LINGO2: variants seen among roughly 807,000 people sequenced by gnomAD.
LINGO2 encodes the protein leucine-rich repeat and immunoglobulin-like domain-containing nogo receptor-interacting protein 2.
Under a neutral mutation model 30.6 loss-of-function variants are expected in LINGO2, and 14 were observed. That is an observed-to-expected ratio of 0.46 (90% CI 0.30 to 0.72). The LOEUF (loss-of-function observed/expected upper bound fraction) is 0.72. Ranked by LOEUF, LINGO2 falls within the 30% of genes least tolerant of loss-of-function variation. LINGO2 has a pLI of 0.07. For synonymous variants in LINGO2, 317 were observed against 288.5 expected (o/e 1.10, Z -1.00); for missense variants, 729 against 751.7 (o/e 0.97, Z 0.35).
chr9:28,807,636 A>G, the LINGO2 span, among the ~76,000 whole-genome samples: 2 of 152,302 alleles, frequency 1.3e-5, 1 homozygote, highest in East Asian at 3.9e-4. Context: ...TTAAATTGTA[A>G]AAACAAATAA....
At chr9:28,131,890 C>T (rs1458423308) in intron 4 of LINGO2, among the ~76,000 whole-genome samples, 2 of 152,194 alleles carry the variant, frequency 1.3e-5, no homozygotes, top group Non-Finnish European at 2.9e-5. Flanking sequence ...AGGGTGAAAC[C>T]TGACTTAAAA....
At chr9:28,613,685 G>T (rs1826013930) in intron 1 of LINGO2, among the ~76,000 whole-genome samples, 1 of 152,046 alleles carries the variant, frequency 6.6e-6, no homozygotes, top group Non-Finnish European at 1.5e-5. Context: ...CACACAAGGG[G>T]GTAAGGCATA....
At chr9:28,510,646 G>A (rs747121593) in intron 1 of LINGO2, among the ~76,000 whole-genome samples, 6 of 150,988 alleles carry the variant, frequency 4.0e-5, no homozygotes, top group African/African-American at 7.3e-5. Context: ...CCTGTGCAGC[G>A]CAAACCCAGG....
chr9:28,582,617 G>A (rs956185462), intron 1 of LINGO2, among the ~76,000 whole-genome samples: 1 of 151,960 alleles, frequency 6.6e-6, no homozygotes, highest in African/African-American at 2.4e-5. Flanking sequence ...CTCTAACATA[G>A]CTAAAGTCCA....
intron 4 of LINGO2, among the ~76,000 whole-genome samples, chr9:28,132,712 G>A (rs1482324828): frequency 6.6e-6 from 1 of 152,196 alleles, no homozygotes; most frequent in Non-Finnish European, 1.5e-5. Context: ...GTTTTCATAT[G>A]TTGATTCAAC....
intron 5 of LINGO2, among the ~76,000 whole-genome samples, chr9:28,009,143 T>A (rs1204524894): frequency 9.8e-5 from 1 of 10,196 alleles, no homozygotes; most frequent in Non-Finnish European, 6.2e-4. Flanking sequence ...AGGGAAAAGT[T>A]TTTTTTTTTT....
rs557483829 is a variant in LINGO2, at chr9:28,555,416, T to C, written c.-364-79391A>G. ...ATCTAGAAGAAATGGATAAATTCCTTGACACATACACTCTCCCAAGACTAA... is the reference window on the plus strand; with the variant it reads ...ATCTAGAAGAAATGGATAAATTCCTCGACACATACACTCTCCCAAGACTAA... On this transcript the variant is annotated intron_variant, in intron 1 of 5. Transcript: ENST00000379992. 9.7e-3 allele frequency among the ~76,000 whole-genome samples: 1,455 copies of C among 150,634 alleles called. 30 individuals carry two copies. The highest frequency in any genetic ancestry group is 0.031 in the African/African-American group (1,277 of 41,044).
the LINGO2 span, among the ~76,000 whole-genome samples, chr9:28,892,952 A>G: frequency 1.3e-5 from 2 of 152,070 alleles, no homozygotes; most frequent in Admixed American, 6.6e-5. Context: ...AATCCTGATT[A>G]TATCTCAAGT....
chr9:28,328,163 CAT>C (rs1422894884), intron 3 of LINGO2, among the ~76,000 whole-genome samples: 2 of 152,130 alleles, frequency 1.3e-5, no homozygotes, highest in African/African-American at 4.8e-5. Flanking sequence ...CCCTATGGCT[CAT>C]AGCACGTGTA....
chr9:28,575,927 TACAC>T (rs3065641), intron 1 of LINGO2, among the ~76,000 whole-genome samples: 2 of 149,518 alleles, frequency 1.3e-5, no homozygotes, highest in Non-Finnish European at 3.0e-5. Context: ...AGCCTTGAAA[TACAC>T]ACACACACAC....
At chr9:28,237,431 A>G (rs892292608) in intron 4 of LINGO2, among the ~76,000 whole-genome samples, 4 of 152,118 alleles carry the variant, frequency 2.6e-5, no homozygotes, top group Non-Finnish European at 5.9e-5. Context: ...GGCAGGAGTA[A>G]GTCACCACTT....
At chr9:28,020,092 T>G (rs1224433112) in intron 4 of LINGO2, among the ~76,000 whole-genome samples, 1 of 152,142 alleles carries the variant, frequency 6.6e-6, no homozygotes, top group Non-Finnish European at 1.5e-5. Context: ...CACTAGATGA[T>G]GCTTATGGTC....
chr9:28,151,802 T>C (rs1369317336), intron 4 of LINGO2, among the ~76,000 whole-genome samples: 2 of 152,052 alleles, frequency 1.3e-5, no homozygotes, highest in Non-Finnish European at 2.9e-5. Flanking sequence ...TTCTTGAGAC[T>C]AAATTTAATA....
At chr9:28,445,483 T>G (rs578192225) in intron 2 of LINGO2, among the ~76,000 whole-genome samples, 1 of 152,260 alleles carries the variant, frequency 6.6e-6, no homozygotes, top group East Asian at 1.9e-4. Context: ...ACTGGAGAAA[T>G]AGCTATGTAC....
chr9:28,540,667 G>T (rs1003838062), intron 1 of LINGO2, among the ~76,000 whole-genome samples: 1 of 152,094 alleles, frequency 6.6e-6, no homozygotes, highest in African/African-American at 2.4e-5. Flanking sequence ...GTTTAATAAA[G>T]GAATGATCTT....
intron 4 of LINGO2, among the ~76,000 whole-genome samples, chr9:28,159,687 T>G (rs2133592171): frequency 6.6e-6 from 1 of 152,244 alleles, no homozygotes; most frequent in South Asian, 2.1e-4. Flanking sequence ...TTTAAATTCC[T>G]TTATAGTCTT....
At chr9:28,192,288 C>A (rs986765174) in intron 4 of LINGO2, among the ~76,000 whole-genome samples, 3 of 151,948 alleles carry the variant, frequency 2.0e-5, no homozygotes, top group Admixed American at 6.6e-5. Flanking sequence ...TATGTATAAA[C>A]AGAGTAAATA....
the LINGO2 span, among the ~76,000 whole-genome samples, chr9:28,774,460 T>C: frequency 6.6e-6 from 1 of 152,176 alleles, no homozygotes; most frequent in Admixed American, 6.5e-5. Context: ...CATATGCCCA[T>C]GCCTATACAC....
the LINGO2 span, among the ~76,000 whole-genome samples, chr9:28,808,861 T>C: frequency 6.6e-6 from 1 of 152,176 alleles, no homozygotes; most frequent in Non-Finnish European, 1.5e-5. Flanking sequence ...GGACTGTATA[T>C]GCATCTAGAA....
Sources: gnomAD v4.1 joint callset for allele counts (sites outside exome capture counted in the v4.1 genomes callset) on GRCh38, gnomAD v4.1.1 for gene constraint, MANE v1.5 for transcripts, NCBI Gene and HGNC (gene_info 2026-07-23, HGNC 2026-07-21) for gene names.